The following USP3 variants were observed in gnomAD, a reference collection of about 807,000 sequenced individuals.
USP3 encodes ubiquitin carboxyl-terminal hydrolase 3.
A neutral mutation model predicts 72.3 loss-of-function variants in USP3; 20 were observed. The ratio of observed to expected loss-of-function variants is 0.28; its 90% CI spans 0.19 to 0.40. USP3 has a LOEUF of 0.40. USP3 is among the 10% of genes least tolerant of loss of function. The pLI is 1.00. For synonymous variants in USP3, 222 were observed against 225.3 expected (o/e 0.99, Z 0.13); for missense variants, 479 against 633.9 (o/e 0.76, Z 2.62).
chr15:63,530,217 G>C (rs574705238), intron 1 of USP3, among the ~76,000 whole-genome samples: 3 of 151,890 alleles, frequency 2.0e-5, no homozygotes, highest in African/African-American at 7.2e-5. Context: ...ACCTATAAGA[G>C]TTTTTTTCTC....
intron 11 of USP3, among the ~76,000 whole-genome samples, chr15:63,582,815 A>G (rs2066986891): frequency 6.6e-6 from 1 of 152,182 alleles, no homozygotes. Context: ...TTGGTTTCAG[A>G]AAAGGAGCAG....
At chr15:63,572,105 A>G (rs1199076982) in intron 9 of USP3, among the ~76,000 whole-genome samples, 4 of 152,212 alleles carry the variant, frequency 2.6e-5, no homozygotes, top group Non-Finnish European at 5.9e-5. Context: ...AGCCTATCCA[A>G]TAAGTATTCA....
intron 3 of USP3, among the ~76,000 whole-genome samples, chr15:63,542,653 C>T (rs554394070): frequency 3.3e-5 from 5 of 152,160 alleles, no homozygotes; most frequent in Admixed American, 6.5e-5. Context: ...AGCCATTTCT[C>T]GTTTTAAAAA....
chr15:63,590,608 G>A (rs1296891505), intron 14 of USP3, 53 bp from the exon 15 acceptor site: 5 of 1,452,874 alleles, frequency 3.4e-6, no homozygotes, highest in Non-Finnish European at 4.6e-6. Flanking sequence ...AGTTGTACAG[G>A]TCTTTTTGTG....
chr15:63,590,711 T>A lies in USP3; in HGVS notation c.1448T>A (p.Phe483Tyr). The change falls in exon 15 of 15, where the codon TTC becomes TAC. Residue 483 changes from phenylalanine (F) to tyrosine (Y), a missense_variant. Physicochemically the swap from Phe to Tyr is conservative, Grantham distance 22 (BLOSUM62 3). Transcript: ENST00000380324. ...TACGCAACTCACGAAGGCCGCTGGT[T>A]CCACTTCAATGACAGTACTGTAACA... ...TAYATHEGRW[F>Y]HFNDSTVTLT... The A allele has an allele frequency of 6.2e-7, 1 of 1,613,904 alleles. No homozygotes were observed. Among genetic ancestry groups the A allele is most frequent in the Non-Finnish European group, 8.5e-7 (1 of 1,179,880 alleles).
rs1894851176 is a variant in USP3, at chr15:63,528,258, T to C, written c.92-4389T>C. ...ATCTTGGTTTGAGGAAATTTTACAATCTGAGTAAAAGATGAGTTTCACTTA... is the reference window on the plus strand; with the variant it reads ...ATCTTGGTTTGAGGAAATTTTACAACCTGAGTAAAAGATGAGTTTCACTTA... On this transcript the variant is annotated intron_variant, in intron 1 of 14. Coordinates refer to ENST00000380324, the MANE Select transcript of USP3 (RefSeq NM_006537.4). The surrounding 1 kb of genome is among the most constrained non-coding windows in gnomAD (Gnocchi z 4.3). 6.6e-6 allele frequency: 1 copy of C among 152,172 alleles called. No homozygotes were observed. Among genetic ancestry groups the C allele is most frequent in the Non-Finnish European group, 1.5e-5 (1 of 68,030 alleles). 9.4% of individuals were successfully genotyped at this position (152,172 alleles called of 1,614,324 possible). A position where few individuals can be genotyped will look rare whatever the true frequency, so the allele number is the denominator to read the frequency against.
chr15:63,529,260 A>G lies in USP3; in HGVS notation c.92-3387A>G. ...GTTTCCAATGATTTTGGAAGTCAGT[A>G]CTTTATTCCCTTTTACTTTCTCTCC... On this transcript the variant is annotated intron_variant, in intron 1 of 14. Transcript: ENST00000380324. This position sits in a 1 kb window ranked among gnomAD's most constrained non-coding sequence, Gnocchi z 4.2. 1 of 392,488 alleles carries G rather than the reference A, an allele frequency of 2.5e-6. No homozygotes were observed. The highest frequency in any genetic ancestry group is 2.0e-5 in the South Asian group (1 of 51,234). The allele number at this position is 392,488 out of a possible 1,614,324, so 24.3% of individuals were successfully genotyped here.
rs2067234972 is a variant in USP3, at chr15:63,593,140, T to G, written c.*2314T>G. The G allele has an allele frequency of 6.6e-6, 1 of 152,204 alleles. No individual in the cohort carries two copies. Among genetic ancestry groups the G allele is most frequent in the Non-Finnish European group, 1.5e-5 (1 of 68,032 alleles). The allele number at this position is 152,204 out of a possible 1,614,324, so 9.4% of individuals were successfully genotyped here. A position where few individuals can be genotyped will look rare whatever the true frequency, so the allele number is the denominator to read the frequency against. On this transcript the variant is annotated 3_prime_UTR_variant, in exon 15 of 15. Transcript: ENST00000380324. ...CATGTTTAGGTCTTACAACTTTGAG[T>G]CCTAAAAGATAATAGGGAGATGTGT...
At chr15:63,506,953 A>G (rs1035681804) in intron 1 of USP3, among the ~76,000 whole-genome samples, 1 of 152,204 alleles carries the variant, frequency 6.6e-6, no homozygotes, top group Non-Finnish European at 1.5e-5. Context: ...GATATAATCT[A>G]GCGTTATTGT....
chr15:63,520,666 C>T (rs1347630315), intron 1 of USP3, among the ~76,000 whole-genome samples: 8 of 143,196 alleles, frequency 5.6e-5, no homozygotes, highest in Non-Finnish European at 1.2e-4. Context: ...CAGGTTCAAT[C>T]GATTCTCCTG....
intron 1 of USP3, 34 bp downstream of exon 1, chr15:63,504,864 C>A: frequency 6.5e-7 from 1 of 1,533,124 alleles, no homozygotes; most frequent in Non-Finnish European, 8.8e-7. Context: ...CCGCAGCGCA[C>A]CCGAGGCCGC....
chr15:63,516,926 C>T (rs2152650650), intron 1 of USP3, among the ~76,000 whole-genome samples: 1 of 150,600 alleles, frequency 6.6e-6, no homozygotes, highest in East Asian at 2.0e-4. Flanking sequence ...CCAATTTATT[C>T]TTTTTTTTCT....
chr15:63,533,413 A>G (rs2066108203), intron 2 of USP3, among the ~76,000 whole-genome samples: 1 of 152,130 alleles, frequency 6.6e-6, no homozygotes, highest in Non-Finnish European at 1.5e-5. Flanking sequence ...AAATAATATT[A>G]TTTAAATAGT....
chr15:63,542,239 A>G (rs570790077), intron 3 of USP3: 16 of 970,954 alleles, frequency 1.6e-5, no homozygotes, highest in African/African-American at 1.2e-4. Flanking sequence ...GTTATTCAGT[A>G]TGGTAGCAAT....
chr15:63,584,067 C>T (rs2067010140), intron 11 of USP3, among the ~76,000 whole-genome samples: 1 of 151,042 alleles, frequency 6.6e-6, no homozygotes, highest in South Asian at 2.1e-4. Context: ...ATTTTACATT[C>T]CCACCAGCAA....
intron 3 of USP3, chr15:63,551,850 G>GA (rs2066441576): frequency 6.6e-6 from 1 of 152,218 alleles, no homozygotes. Flanking sequence ...AAAGGGTAGA[G>GA]AGGCAAAGCT....
chr15:63,580,855 C>G (rs1425587423), intron 11 of USP3, among the ~76,000 whole-genome samples: 2 of 151,892 alleles, frequency 1.3e-5, no homozygotes, highest in Non-Finnish European at 2.9e-5. Flanking sequence ...GTCACCCAGG[C>G]TGGAGTGCAG....
chr15:63,545,980 A>AC (rs113590474), intron 3 of USP3, among the ~76,000 whole-genome samples: 4,740 of 150,304 alleles, frequency 0.032, 121 homozygotes, highest in Middle Eastern at 0.097. Flanking sequence ...CAAAAAAAAA[A>AC]AAAAAAAAAA....
chr15:63,577,564 C>T (rs971908607), intron 11 of USP3, among the ~76,000 whole-genome samples: 2 of 152,078 alleles, frequency 1.3e-5, no homozygotes, highest in Non-Finnish European at 2.9e-5. Context: ...CCATCCTGGC[C>T]AACATGGTGA....
Sources: allele counts gnomAD v4.1 joint callset (sites outside exome capture counted in the v4.1 genomes callset), GRCh38; gene constraint gnomAD v4.1.1; non-coding constraint Gnocchi (gnomAD v3.1); transcripts MANE v1.5; gene names NCBI Gene and HGNC (gene_info 2026-07-23, HGNC 2026-07-21).